The following GALNT17 variants were observed in gnomAD, a reference collection of about 807,000 sequenced individuals.
The protein encoded by GALNT17 is UDP-GalNAc:polypeptide N-acetylgalactosaminyltransferase-like 3.
GALNT17 carries 29 observed loss-of-function variants against 63.7 expected under a neutral mutation model. The ratio of observed to expected loss-of-function variants is 0.46; its 90% CI spans 0.34 to 0.62. The LOEUF is 0.62. Among genes scored for constraint, GALNT17 ranks in the 20% least tolerant of loss-of-function variants. The pLI, the probability that GALNT17 is intolerant of heterozygous loss-of-function variation, is 0.01. For synonymous variants in GALNT17, 305 were observed against 318.3 expected, an observed-to-expected ratio of 0.96 and a Z score of 0.45; for missense variants, 603 against 799.6, an observed-to-expected ratio of 0.75 and a Z score of 2.97.
chr7:71,639,941 A>AATC (rs1790580675), intron 6 of GALNT17, among the ~76,000 whole-genome samples: 1 of 152,204 alleles, frequency 6.6e-6, no homozygotes, highest in Non-Finnish European at 1.5e-5. Flanking sequence ...GCTCTGAATA[A>AATC]GGATAATCAT....
chr7:71,152,813 A>G (rs1788158432), intron 1 of GALNT17, among the ~76,000 whole-genome samples: 1 of 151,788 alleles, frequency 6.6e-6, no homozygotes, highest in South Asian at 2.1e-4. Flanking sequence ...TTGTATTTTT[A>G]GTAGAGACGG....
At position 71,172,811 on chromosome 7, in the gene GALNT17, T is replaced by G. The variant is rs545577245; in HGVS notation, c.238+39771T>G. ...ATCTGATAACTGAGATAAGCAGTTT[T>G]GGGTGGCTTTGAAATGTCCTCATAC... On this transcript the variant is annotated intron_variant, in intron 1 of 10. Coordinates refer to ENST00000333538, the MANE Select transcript of GALNT17 (RefSeq NM_022479.3). Among the ~76,000 whole-genome samples, 34 of 152,344 alleles carry G rather than the reference T, an allele frequency of 2.2e-4. No homozygotes were observed. In the South Asian group the frequency reaches 7.0e-3, roughly 32 times the overall value.
At chr7:71,294,862 C>G (rs188282305) in intron 1 of GALNT17, among the ~76,000 whole-genome samples, 1 of 152,156 alleles carries the variant, frequency 6.6e-6, no homozygotes, top group East Asian at 1.9e-4. Flanking sequence ...CATTTGCCCC[C>G]CTTTTCCAAG....
At chr7:71,626,021 A>C (rs1258316439) in intron 6 of GALNT17, among the ~76,000 whole-genome samples, 1 of 152,264 alleles carries the variant, frequency 6.6e-6, no homozygotes, top group East Asian at 1.9e-4. Context: ...CAAGGCAGGC[A>C]GATCACAAGG....
At chr7:71,301,119 C>A (rs1220850549) in intron 1 of GALNT17, among the ~76,000 whole-genome samples, 1 of 151,546 alleles carries the variant, frequency 6.6e-6, no homozygotes, top group Admixed American at 6.6e-5. Flanking sequence ...AAGACCTTAT[C>A]TCTACAAAAA....
chr7:71,612,074 AC>A (rs754799211), intron 6 of GALNT17, among the ~76,000 whole-genome samples: 31 of 152,036 alleles, frequency 2.0e-4, no homozygotes, highest in Non-Finnish European at 3.5e-4. Flanking sequence ...GTTCTTGGAA[AC>A]CCTGCTCAGT....
At chr7:71,664,741 G>A (rs1365342200) in intron 6 of GALNT17, among the ~76,000 whole-genome samples, 2 of 152,198 alleles carry the variant, frequency 1.3e-5, no homozygotes, top group Non-Finnish European at 2.9e-5. Context: ...CAGCCAGATG[G>A]GAAAGGCAGC....
At chr7:71,170,291 G>A (rs1170721557) in intron 1 of GALNT17, among the ~76,000 whole-genome samples, 1 of 151,572 alleles carries the variant, frequency 6.6e-6, no homozygotes, top group Non-Finnish European at 1.5e-5. Flanking sequence ...ATCGAGAAGG[G>A]ATATGTTCAG....
intron 3 of GALNT17, among the ~76,000 whole-genome samples, chr7:71,396,559 C>T (rs1424707181): frequency 6.6e-6 from 1 of 152,118 alleles, no homozygotes. Flanking sequence ...TGTGAGACCT[C>T]TCACCTTGTT....
At chr7:71,424,173 A>G (rs1358126957) in intron 5 of GALNT17, among the ~76,000 whole-genome samples, 1 of 152,204 alleles carries the variant, frequency 6.6e-6, no homozygotes, top group Non-Finnish European at 1.5e-5. Context: ...AACTAAATCT[A>G]AGCCTTCAGG....
chr7:71,262,038 C>T (rs6968577), intron 1 of GALNT17, among the ~76,000 whole-genome samples: 8,418 of 152,138 alleles, frequency 0.055, 793 homozygotes, highest in African/African-American at 0.19. Context: ...GTGTTTCTGA[C>T]GCGTGATGAT....
At chr7:71,635,079 C>T (rs1286900244) in intron 6 of GALNT17, among the ~76,000 whole-genome samples, 1 of 150,822 alleles carries the variant, frequency 6.6e-6, no homozygotes, top group Non-Finnish European at 1.5e-5. Flanking sequence ...TGGTGGCAGG[C>T]GCCTGTAATC....
Position 71,260,410 on chromosome 7 carries a change from A to T in GALNT17, c.239-75140A>T, listed in dbSNP as rs371849862. Among the ~76,000 whole-genome samples the T allele has an allele frequency of 3.9e-5, 6 of 152,172 alleles. No homozygotes were observed. The East Asian group carries it at 7.7e-4, about 20-fold the overall frequency. The stretch of plus-strand genomic sequence containing the variant: ...GTGCTGGGCCGACTGAAACACACAG[A>T]CCTTTGCTTTAATTATTCCACTGTG... On this transcript the variant is annotated intron_variant, in intron 1 of 10. Transcript: ENST00000333538.
At chr7:71,513,471 C>A (rs941422357) in intron 5 of GALNT17, among the ~76,000 whole-genome samples, 5 of 151,934 alleles carry the variant, frequency 3.3e-5, no homozygotes, top group African/African-American at 1.2e-4. Context: ...CTGCAACCTC[C>A]GCCTCCCCAG....
chr7:71,400,960 A>G (rs1235347458), intron 3 of GALNT17, among the ~76,000 whole-genome samples: 1 of 152,210 alleles, frequency 6.6e-6, no homozygotes, highest in Admixed American at 6.5e-5. Flanking sequence ...TCAAGTTCCA[A>G]CATCCTATGG....
At chr7:71,326,582 A>G (rs1791709216) in intron 1 of GALNT17, among the ~76,000 whole-genome samples, 1 of 152,240 alleles carries the variant, frequency 6.6e-6, no homozygotes, top group South Asian at 2.1e-4. Flanking sequence ...TATTGCATTT[A>G]GTAAAATTTT....
intron 1 of GALNT17, among the ~76,000 whole-genome samples, chr7:71,243,473 A>G (rs1326991754): frequency 1.3e-5 from 2 of 152,158 alleles, no homozygotes; most frequent in Non-Finnish European, 2.9e-5. Flanking sequence ...GATGTATAAC[A>G]TGTTGGGCGA....
In GALNT17 at chr7:71,670,011, G is replaced by A. The variant is rs1791044855; in HGVS notation, c.1306G>A (p.Ala436Thr). 1.2e-6 allele frequency: 2 copies of A among 1,614,052 alleles called. No individual in the cohort carries two copies. Among genetic ancestry groups the A allele is most frequent in the African/African-American group, 1.3e-5 (1 of 74,930 alleles). Reference protein sequence around the residue: ...IDIGDVSERRALRKSLKCKNF... With the variant: ...IDIGDVSERRTLRKSLKCKNF... Reference sequence around the variant, plus strand: ...CATCGGTGATGTCTCCGAAAGAAGAGCATTAAGGAAAAGTTTAAAGTGTAA... The same window carrying A: ...CATCGGTGATGTCTCCGAAAGAAGAACATTAAGGAAAAGTTTAAAGTGTAA... The change falls in exon 8 of 11, where the codon GCA becomes ACA. Residue 436 changes from alanine (A) to threonine (T), a missense_variant. This residue lies in a region of GALNT17 where 336 missense variants were observed against 507.8 expected (regional missense o/e 0.66). Coordinates refer to ENST00000333538, the MANE Select transcript of GALNT17 (RefSeq NM_022479.3).
chr7:71,669,650 C>T (rs192278771), intron 7 of GALNT17, among the ~76,000 whole-genome samples: 59 of 151,042 alleles, frequency 3.9e-4, no homozygotes, highest in Non-Finnish European at 6.6e-4. Context: ...CAACCTCCAC[C>T]TCCTGGGTTT....
Sources: gnomAD v4.1 joint callset for allele counts (sites outside exome capture counted in the v4.1 genomes callset) on GRCh38, gnomAD v4.1.1 for gene constraint, gnomAD v4.1.1 regional missense constraint, MANE v1.5 for transcripts, NCBI Gene and HGNC (gene_info 2026-07-23, HGNC 2026-07-21) for gene names.